Variants in KIF21A observed in about 807,000 individuals in gnomAD.
KIF21A encodes kinesin-like protein KIF21A.
Under a neutral mutation model 202.9 loss-of-function variants are expected in KIF21A, and 114 were observed. The ratio of observed to expected loss-of-function variants is 0.56; its 90% confidence interval spans 0.48 to 0.66. The LOEUF (loss-of-function observed/expected upper bound fraction) is 0.66. Ranked by LOEUF, KIF21A falls within the 30% of genes least tolerant of loss-of-function variation. The pLI is 0.00. For missense variants in KIF21A, 1,677 were observed against 1,994.9 expected (o/e 0.84, Z 3.04); for synonymous variants, 667 against 670.8 (o/e 0.99, Z 0.09).
chr12:39,352,596 A>G (rs2138705106), intron 10 of KIF21A, among the ~76,000 whole-genome samples: 1 of 152,248 alleles, frequency 6.6e-6, no homozygotes, highest in South Asian at 2.1e-4. Context: ...AAAATACACA[A>G]GCAGCATGCT....
intron 1 of KIF21A, among the ~76,000 whole-genome samples, chr12:39,438,444 T>C (rs1413132883): frequency 6.6e-6 from 1 of 152,104 alleles, no homozygotes; most frequent in African/African-American, 2.4e-5. Context: ...CAAACCAGCA[T>C]TGGGAAAAAG....
chr12:39,372,691 G>A (rs903755889), intron 1 of KIF21A, among the ~76,000 whole-genome samples: 2 of 152,144 alleles, frequency 1.3e-5, no homozygotes, highest in African/African-American at 2.4e-5. Flanking sequence ...AAAACAGCCC[G>A]TGGTAGTAGC....
chr12:39,415,961 A>G (rs1194871260), intron 1 of KIF21A, among the ~76,000 whole-genome samples: 1 of 152,184 alleles, frequency 6.6e-6, no homozygotes, highest in East Asian at 1.9e-4. Context: ...ATATCAGTTC[A>G]AGGAAAGCTT....
At chr12:39,306,614 AAAT>A (rs1486632124) in intron 34 of KIF21A, among the ~76,000 whole-genome samples, 1 of 152,228 alleles carries the variant, frequency 6.6e-6, no homozygotes, top group Non-Finnish European at 1.5e-5. Flanking sequence ...TACCACTGGC[AAAT>A]CCCTTCTGGA....
rs1336230885 is a variant in KIF21A at position 39,421,022 on chromosome 12, G to A, written c.44+21905C>T. On this transcript the variant is annotated intron_variant, in intron 1 of 37. Coordinates refer to ENST00000361418, the MANE Select transcript of KIF21A (RefSeq NM_001173464.2). ...GGATTTAATTTAGGGTTAAAGACAC[G>A]TGTCACATAGTGACATTTTAGTCAA... Among the ~76,000 whole-genome samples the A allele has an allele frequency of 4.6e-5, 7 of 152,310 alleles. No homozygotes were observed. The East Asian group carries it at 5.8e-4, about 13-fold the overall frequency.
intron 11 of KIF21A, among the ~76,000 whole-genome samples, chr12:39,348,958 T>C (rs1288187492): frequency 6.6e-6 from 1 of 152,048 alleles, no homozygotes; most frequent in Non-Finnish European, 1.5e-5. Context: ...TATGAATTCC[T>C]TTAGTCAAAT....
intron 24 of KIF21A, 135 bp downstream of exon 24, chr12:39,330,107 A>G (rs1322440369): frequency 1.0e-5 from 8 of 767,228 alleles, no homozygotes; most frequent in Non-Finnish European, 1.6e-5. Flanking sequence ...GCATGGATAC[A>G]TTTCAAAAAA....
intron 1 of KIF21A, among the ~76,000 whole-genome samples, chr12:39,413,630 A>G (rs1953294902): frequency 6.6e-6 from 1 of 152,208 alleles, no homozygotes; most frequent in African/African-American, 2.4e-5. Flanking sequence ...CATAGAATAC[A>G]AAAATGTACT....
chr12:39,345,280 G>A (rs1013974767), intron 12 of KIF21A, among the ~76,000 whole-genome samples: 4 of 151,980 alleles, frequency 2.6e-5, no homozygotes, highest in Admixed American at 1.3e-4. Flanking sequence ...CTTTAATGAC[G>A]CATCTTATTT....
intron 26 of KIF21A, among the ~76,000 whole-genome samples, chr12:39,323,874 G>T (rs541942751): frequency 6.6e-6 from 1 of 152,206 alleles, no homozygotes; most frequent in East Asian, 1.9e-4. Flanking sequence ...ACTTTGGGAG[G>T]CCGAGGCAGG....
chr12:39,398,945 T>C (rs951301406), intron 1 of KIF21A, among the ~76,000 whole-genome samples: 1 of 151,990 alleles, frequency 6.6e-6, no homozygotes, highest in African/African-American at 2.4e-5. Flanking sequence ...GTATAATGTC[T>C]GAGAGCGGTG....
intron 17 of KIF21A, 89 bp downstream of exon 17, chr12:39,337,005 TTA>T (rs757421106): frequency 1.6e-5 from 13 of 800,410 alleles, no homozygotes; most frequent in Non-Finnish European, 2.8e-5. Context: ...CAATTAGTAG[TTA>T]TGGTTACCAG....
rs753410708 is a variant in KIF21A at position 39,315,213 on chromosome 12, C to G, written c.3959+16G>C. ...ACTGGAAATGAAATTAATTTCCTCTCCCTTCCCCTGCCTACCTTCTGGAGG... is the reference window on the plus strand; with the variant it reads ...ACTGGAAATGAAATTAATTTCCTCTGCCTTCCCCTGCCTACCTTCTGGAGG... On this transcript the variant is annotated intron_variant, in intron 31 of 37. Transcript: ENST00000361418. 6.2e-7 allele frequency: 1 copy of G among 1,611,056 alleles called. No individual in the cohort carries two copies.
intron 37 of KIF21A, among the ~76,000 whole-genome samples, chr12:39,297,683 A>T (rs957349339): frequency 6.6e-6 from 1 of 151,502 alleles, no homozygotes; most frequent in Admixed American, 6.6e-5. Context: ...ACATGTATAC[A>T]TATGTAACTA....
At chr12:39,315,850 G>T in intron 30 of KIF21A, 82 bp downstream of exon 30, 1 of 958,156 alleles carries the variant, frequency 1.0e-6, no homozygotes, top group Non-Finnish European at 1.7e-6. Context: ...CAACAAAAAT[G>T]AGACTTGCTT....
intron 1 of KIF21A, among the ~76,000 whole-genome samples, chr12:39,378,499 C>G (rs974533236): frequency 6.6e-6 from 1 of 152,148 alleles, no homozygotes; most frequent in Non-Finnish European, 1.5e-5. Context: ...AATAGAAAGC[C>G]TCTACTCCCA....
In KIF21A at chr12:39,394,173, T is replaced by TCTAA. The variant is rs1190231205; in HGVS notation, c.45-23916_45-23913dup. Among the ~76,000 whole-genome samples the TCTAA allele has an allele frequency of 5.9e-5, 9 of 152,234 alleles. No individual in the cohort carries two copies. In the East Asian group the frequency reaches 1.7e-3, roughly 29 times the overall value. On this transcript the variant is annotated intron_variant, in intron 1 of 37. Transcript: ENST00000361418. ...TCTGCAGCAGCCAGGCAGCGCTTTT[T>TCTAA]CTAAGCCAATTCTTCTGAAAGTCTT...
At chr12:39,311,625 T>C (rs1406887720) in intron 31 of KIF21A, 72 bp from the exon 32 acceptor site, 2 of 1,554,964 alleles carry the variant, frequency 1.3e-6, no homozygotes, top group African/African-American at 2.7e-5. Context: ...AGACTAGTTT[T>C]GTTTTTTTCC....
chr12:39,431,280 C>G (rs1937858965), intron 1 of KIF21A, among the ~76,000 whole-genome samples: 1 of 152,170 alleles, frequency 6.6e-6, no homozygotes, highest in African/African-American at 2.4e-5. Context: ...AAGGAGACCC[C>G]AGTTGGGACA....
Sources: allele counts gnomAD v4.1 joint callset (sites outside exome capture counted in the v4.1 genomes callset), GRCh38; gene constraint gnomAD v4.1.1; transcripts MANE v1.5; gene names NCBI Gene and HGNC (gene_info 2026-07-23, HGNC 2026-07-21).